Variants in FBXO16 observed in about 807,000 individuals in gnomAD.
The protein encoded by FBXO16 is F-box protein 16.
In FBXO16, 31 loss-of-function variants were observed where a neutral mutation model predicts 41.0. The observed-to-expected ratio is 0.76, with a 90% CI of 0.57 to 1.02. The LOEUF is 1.02. Among genes scored for constraint, FBXO16 ranks in the 50% least tolerant of loss-of-function variants. The pLI, the probability that FBXO16 is intolerant of heterozygous loss-of-function variation, is 0.00. For missense variants in FBXO16, 361 were observed against 346.2 expected, an observed-to-expected ratio of 1.04 and a Z score of -0.34; for synonymous variants, 133 against 117.8, an observed-to-expected ratio of 1.13 and a Z score of -0.84.
At chr8:28,446,176 CTTTTTTT>C (rs11421643) in intron 7 of FBXO16, among the ~76,000 whole-genome samples, 4 of 83,080 alleles carry the variant, frequency 4.8e-5, no homozygotes, top group African/African-American at 9.2e-5. Context: ...TGCATTTTTC[CTTTTTTT>C]TTTTTTTTTT....
At chr8:28,482,280 T>C (rs1249393951) in intron 2 of FBXO16, among the ~76,000 whole-genome samples, 1 of 152,168 alleles carries the variant, frequency 6.6e-6, no homozygotes, top group East Asian at 1.9e-4. Flanking sequence ...TGGTATAAAA[T>C]AGTGCCTCTC....
At chr8:28,445,341 T>C (rs1802847172) in intron 7 of FBXO16, among the ~76,000 whole-genome samples, 1 of 152,186 alleles carries the variant, frequency 6.6e-6, no homozygotes, top group Non-Finnish European at 1.5e-5. Flanking sequence ...CCTGCTAGGG[T>C]TTGACAGATG....
intron 1 of FBXO16, among the ~76,000 whole-genome samples, chr8:28,487,281 T>A (rs1263265942): frequency 6.6e-6 from 1 of 152,004 alleles, no homozygotes. Flanking sequence ...CTTGCTATTA[T>A]CCTTTTACAG....
chr8:28,428,999 A>T (rs574686032), intron 8 of FBXO16, among the ~76,000 whole-genome samples: 1 of 152,246 alleles, frequency 6.6e-6, no homozygotes, highest in South Asian at 2.1e-4. Flanking sequence ...TAGAGAGGAT[A>T]GTATTAATAA....
intron 4 of FBXO16, among the ~76,000 whole-genome samples, chr8:28,460,225 G>A (rs183604704): frequency 0.21 from 15,592 of 74,946 alleles, 2,158 homozygotes; most frequent in East Asian, 0.47. Flanking sequence ...ATATGTGTGT[G>A]TATATATATA....
rs190535021 is a variant in FBXO16, at chr8:28,488,952, C to T, written c.-17+1234G>A. Among the ~76,000 whole-genome samples, 188 of 152,136 alleles carry T rather than the reference C, an allele frequency of 1.2e-3. 1 individual carries two copies. Among genetic ancestry groups the T allele is most frequent in the African/African-American group, 4.4e-3 (181 of 41,514 alleles). On this transcript the variant is annotated intron_variant, in intron 1 of 8. Coordinates refer to ENST00000380254, the MANE Select transcript of FBXO16 (RefSeq NM_172366.4). ...GCCACACAACTCTGATGATTCTTGGCTTATGTGGTTTTCTGATGCTCACTG... is the reference window on the plus strand; with the variant it reads ...GCCACACAACTCTGATGATTCTTGGTTTATGTGGTTTTCTGATGCTCACTG...
intron 6 of FBXO16, among the ~76,000 whole-genome samples, chr8:28,450,029 A>G (rs182776350): frequency 6.6e-6 from 1 of 152,112 alleles, no homozygotes; most frequent in East Asian, 1.9e-4. Context: ...CCAAAAGAAG[A>G]TCAAAATTGG....
chr8:28,449,980 G>GGA (rs1802926700), intron 6 of FBXO16, among the ~76,000 whole-genome samples: 2 of 82,410 alleles, frequency 2.4e-5, no homozygotes, highest in Non-Finnish European at 5.1e-5. Context: ...AAAAAAAAAA[G>GGA]AAAAAAAAAA....
chr8:28,433,522 C>T (rs895152510), intron 7 of FBXO16, among the ~76,000 whole-genome samples: 9 of 152,200 alleles, frequency 5.9e-5, no homozygotes, highest in East Asian at 3.8e-4. Context: ...AGGCATGAAC[C>T]TTAATACAAC....
At chr8:28,459,055 A>G (rs970143261) in intron 4 of FBXO16, among the ~76,000 whole-genome samples, 1 of 152,176 alleles carries the variant, frequency 6.6e-6, no homozygotes, top group African/African-American at 2.4e-5. Flanking sequence ...CATGCAGATG[A>G]TAGAATTAGC....
intron 5 of FBXO16, among the ~76,000 whole-genome samples, chr8:28,452,845 AC>A (rs1222148233): frequency 6.6e-6 from 1 of 152,020 alleles, no homozygotes; most frequent in Non-Finnish European, 1.5e-5. Context: ...AAAACCACAC[AC>A]TATAATAATA....
chr8:28,462,710 T>G (rs1042397770), intron 4 of FBXO16, among the ~76,000 whole-genome samples: 1 of 152,238 alleles, frequency 6.6e-6, no homozygotes, highest in Non-Finnish European at 1.5e-5. Flanking sequence ...GTTTTATATC[T>G]AAAATAATTT....
intron 2 of FBXO16, among the ~76,000 whole-genome samples, chr8:28,477,102 C>T (rs1469506123): frequency 4.1e-5 from 5 of 122,266 alleles, no homozygotes; most frequent in East Asian, 3.2e-4. Flanking sequence ...ATCCTGATGA[C>T]GCAGTTTTTT....
At chr8:28,484,341 A>T (rs987727605) in intron 1 of FBXO16, among the ~76,000 whole-genome samples, 8 of 152,208 alleles carry the variant, frequency 5.3e-5, no homozygotes, top group Non-Finnish European at 1.0e-4. Flanking sequence ...GACAAAGCCA[A>T]GGCTTTGGAA....
At chr8:28,457,419 C>G (rs1418390206) in intron 4 of FBXO16, among the ~76,000 whole-genome samples, 1 of 152,092 alleles carries the variant, frequency 6.6e-6, no homozygotes, top group African/African-American at 2.4e-5. Context: ...AAAGACATAC[C>G]TGAGACTGGG....
intron 7 of FBXO16, 194 bp downstream of exon 7, chr8:28,446,976 CA>C (rs1802874179): frequency 2.2e-6 from 1 of 464,330 alleles, no homozygotes; most frequent in South Asian, 4.0e-5. Flanking sequence ...GATGAGAAAA[CA>C]GAGGCTCAGA....
intron 7 of FBXO16, among the ~76,000 whole-genome samples, chr8:28,443,475 C>T (rs1269209506): frequency 6.6e-6 from 1 of 152,114 alleles, no homozygotes; most frequent in Non-Finnish European, 1.5e-5. Flanking sequence ...GGGGGTATGT[C>T]ACTTTCATCT....
In FBXO16 at chr8:28,447,562, A is replaced by G; in HGVS notation, c.741-289T>C. ...ACATTAAGAAAGAAGGGTGGATGAG[A>G]CGGTATGTACTGGGTGCTGCCATTC... On this transcript the variant is annotated intron_variant, in intron 6 of 8. Coordinates refer to ENST00000380254, the MANE Select transcript of FBXO16 (RefSeq NM_172366.4). The G allele has an allele frequency of 2.5e-5, 9 of 354,388 alleles. 1 individual carries two copies. In the South Asian group the frequency reaches 2.9e-4, roughly 11 times the overall value. 22.0% of individuals were successfully genotyped at this position (354,388 alleles called of 1,614,324 possible).
At chr8:28,473,165 T>C (rs1803364567) in intron 3 of FBXO16, among the ~76,000 whole-genome samples, 1 of 152,184 alleles carries the variant, frequency 6.6e-6, no homozygotes, top group African/African-American at 2.4e-5. Flanking sequence ...TCTCCAATAT[T>C]TGCTTAACCA....
Sources: gnomAD v4.1 joint callset for allele counts (sites outside exome capture counted in the v4.1 genomes callset) on GRCh38, gnomAD v4.1.1 for gene constraint, MANE v1.5 for transcripts, NCBI Gene and HGNC (gene_info 2026-07-23, HGNC 2026-07-21) for gene names.